Variants in GRID2 observed in about 807,000 individuals in gnomAD.
The protein encoded by GRID2 is glutamate receptor ionotropic, delta-2.
In GRID2, 33 loss-of-function variants were observed where a neutral mutation model predicts 114.8. The ratio of observed to expected loss-of-function variants is 0.29; its 90% CI spans 0.22 to 0.38. The LOEUF (loss-of-function observed/expected upper bound fraction) is 0.38, where lower values mean the gene tolerates loss of function less well. Ranked by LOEUF, GRID2 falls within the 10% of genes least tolerant of loss-of-function variation. GRID2 has a pLI of 1.00. For synonymous variants in GRID2, 505 were observed against 449.9 expected (o/e 1.12, Z -1.55); for missense variants, 1,184 against 1,257.7 (o/e 0.94, Z 0.89).
Position 93,774,394 on chromosome 4 carries a change from T to C in GRID2, c.*1896T>C, listed in dbSNP as rs1734302573. On this transcript the variant is annotated 3_prime_UTR_variant, in exon 16 of 16. Coordinates refer to ENST00000282020, the MANE Select transcript of GRID2 (RefSeq NM_001510.4). Reference sequence around the variant, plus strand: ...CCAGATGTTGCAGTGATTTTAGCTATCAACAAACTGTTAACCATGTACAAT... The same window carrying C: ...CCAGATGTTGCAGTGATTTTAGCTACCAACAAACTGTTAACCATGTACAAT... 6.6e-6 allele frequency: 1 copy of C among 152,118 alleles called. No individual in the cohort carries two copies. The highest frequency in any genetic ancestry group is 2.4e-5 in the African/African-American group (1 of 41,442). 9.4% of individuals were successfully genotyped at this position (152,118 alleles called of 1,614,324 possible). A position where few individuals can be genotyped will look rare whatever the true frequency, so the allele number is the denominator to read the frequency against.
chr4:92,322,590 G>A (rs905224888), intron 1 of GRID2, among the ~76,000 whole-genome samples: 1 of 151,950 alleles, frequency 6.6e-6, no homozygotes, highest in Non-Finnish European at 1.5e-5. Context: ...CTGTTGGGGT[G>A]AAAAAGACAC....
chr4:92,730,753 T>C (rs1736292302), intron 2 of GRID2, among the ~76,000 whole-genome samples: 1 of 151,874 alleles, frequency 6.6e-6, no homozygotes. Flanking sequence ...GAGGTGCCAA[T>C]AGAGATAAGC....
chr4:92,602,074 A>C (rs1400238692), intron 2 of GRID2, among the ~76,000 whole-genome samples: 1 of 152,074 alleles, frequency 6.6e-6, no homozygotes, highest in Non-Finnish European at 1.5e-5. Context: ...GCTGAATTCT[A>C]CCAGAGGTAC....
At chr4:92,652,064 A>G (rs755020850) in intron 2 of GRID2, among the ~76,000 whole-genome samples, 51 of 152,056 alleles carry the variant, frequency 3.4e-4, no homozygotes, top group Admixed American at 5.2e-4. Flanking sequence ...TCAATCACAT[A>G]CGTACCATTT....
chr4:92,869,168 C>T (rs1745101261), intron 2 of GRID2, among the ~76,000 whole-genome samples: 1 of 152,110 alleles, frequency 6.6e-6, no homozygotes, highest in South Asian at 2.1e-4. Context: ...CATTAGATTA[C>T]ATCCCGCTTA....
chr4:92,421,097 A>G lies in GRID2; in HGVS notation c.88+116353A>G, dbSNP rs1456755176. Among the ~76,000 whole-genome samples, 3 of 152,144 alleles carry G rather than the reference A, an allele frequency of 2.0e-5. No individual in the cohort carries two copies. The East Asian group carries it at 5.8e-4, about 29-fold the overall frequency. ...TCAGTTCCATCATTTACTTTTTCAT[A>G]TGGCTAGTTTCCAAATGCTGCACCT... On this transcript the variant is annotated intron_variant, in intron 1 of 15. Transcript: ENST00000282020.
At chr4:92,683,482 G>C (rs1324337034) in intron 2 of GRID2, among the ~76,000 whole-genome samples, 2 of 151,984 alleles carry the variant, frequency 1.3e-5, no homozygotes, top group Non-Finnish European at 1.5e-5. Context: ...TGGCAAACTT[G>C]AGCAGCCTAA....
chr4:92,848,673 A>G (rs1481305217), intron 2 of GRID2, among the ~76,000 whole-genome samples: 1 of 152,116 alleles, frequency 6.6e-6, no homozygotes, highest in East Asian at 1.9e-4. Context: ...TTACCACCTG[A>G]GAATTTAATG....
intron 2 of GRID2, among the ~76,000 whole-genome samples, chr4:92,666,525 T>C (rs1732784365): frequency 1.3e-5 from 2 of 151,474 alleles, no homozygotes; most frequent in Non-Finnish European, 3.0e-5. Flanking sequence ...TATGGCAAAT[T>C]TGGAACTCAT....
chr4:93,645,515 A>G (rs1227094310), intron 14 of GRID2, among the ~76,000 whole-genome samples: 2 of 152,162 alleles, frequency 1.3e-5, no homozygotes, highest in African/African-American at 4.8e-5. Flanking sequence ...ATAAAAAGAA[A>G]AAGGTTGAGG....
At chr4:93,638,068 G>A (rs980770342) in intron 14 of GRID2, among the ~76,000 whole-genome samples, 3 of 152,006 alleles carry the variant, frequency 2.0e-5, no homozygotes, top group African/African-American at 7.2e-5. Flanking sequence ...TCTAACATAA[G>A]CTCTAACGAT....
intron 8 of GRID2, among the ~76,000 whole-genome samples, chr4:93,250,125 G>T (rs1408310896): frequency 6.6e-6 from 1 of 152,162 alleles, no homozygotes; most frequent in Non-Finnish European, 1.5e-5. Flanking sequence ...ACTGGATAAA[G>T]AAAATGTGGC....
intron 2 of GRID2, among the ~76,000 whole-genome samples, chr4:92,988,286 G>A (rs761900576): frequency 6.6e-6 from 1 of 152,232 alleles, no homozygotes; most frequent in East Asian, 1.9e-4. Context: ...GGTAGGCAGG[G>A]TTTTGCTCTT....
chr4:93,380,841 C>G (rs192259963), intron 8 of GRID2, among the ~76,000 whole-genome samples: 5 of 151,954 alleles, frequency 3.3e-5, no homozygotes, highest in African/African-American at 1.2e-4. Flanking sequence ...AAGGTTCCTG[C>G]GGATCTGATA....
At chr4:93,659,282 G>T (rs1723280248) in intron 14 of GRID2, among the ~76,000 whole-genome samples, 1 of 152,130 alleles carries the variant, frequency 6.6e-6, no homozygotes, top group Admixed American at 6.5e-5. Context: ...AATTTACAGA[G>T]GCTGGAGGTC....
chr4:92,509,124 T>C (rs1724117995), intron 1 of GRID2, among the ~76,000 whole-genome samples: 1 of 151,774 alleles, frequency 6.6e-6, no homozygotes, highest in Admixed American at 6.6e-5. Flanking sequence ...TAGATTGGAT[T>C]TGGAGTTGAA....
At chr4:92,877,133 C>G (rs1745689503) in intron 2 of GRID2, among the ~76,000 whole-genome samples, 1 of 152,178 alleles carries the variant, frequency 6.6e-6, no homozygotes, top group Non-Finnish European at 1.5e-5. Context: ...GGACCTCAAT[C>G]TATGTATAGA....
At chr4:93,264,700 G>A (rs1008213059) in intron 8 of GRID2, among the ~76,000 whole-genome samples, 1 of 71,676 alleles carries the variant, frequency 1.4e-5, no homozygotes, top group African/African-American at 7.8e-5. Context: ...TTATGTTTGA[G>A]TTTTGAATGA....
chr4:92,793,811 A>G (rs1283115611), intron 2 of GRID2, among the ~76,000 whole-genome samples: 1 of 151,870 alleles, frequency 6.6e-6, no homozygotes, highest in Non-Finnish European at 1.5e-5. Context: ...ACAGAACACA[A>G]ACAAAACCCA....
Sources: allele counts gnomAD v4.1 joint callset (sites outside exome capture counted in the v4.1 genomes callset), GRCh38; gene constraint gnomAD v4.1.1; transcripts MANE v1.5; gene names NCBI Gene and HGNC (gene_info 2026-07-23, HGNC 2026-07-21).